Variants in TBC1D31 observed in about 807,000 individuals in gnomAD.
TBC1D31 encodes the protein TBC1 domain family member 31.
Under a neutral mutation model 132.9 loss-of-function variants are expected in TBC1D31, and 99 were observed. That is an observed-to-expected ratio of 0.74 (90% CI 0.63 to 0.88). The LOEUF is 0.88. Ranked by LOEUF, TBC1D31 falls within the 40% of genes least tolerant of loss-of-function variation. TBC1D31 has a pLI of 0.00. For synonymous variants in TBC1D31, 385 were observed against 419.4 expected, an observed-to-expected ratio of 0.92 and a Z score of 1.00; for missense variants, 1,134 against 1,256.6, an observed-to-expected ratio of 0.90 and a Z score of 1.48.
At chr8:123,142,002 A>T (rs1186420597) in intron 18 of TBC1D31, among the ~76,000 whole-genome samples, 1 of 151,896 alleles carries the variant, frequency 6.6e-6, no homozygotes, top group Non-Finnish European at 1.5e-5. Context: ...CTGTGACTAC[A>T]GGCGCGCGCT....
intron 1 of TBC1D31, among the ~76,000 whole-genome samples, chr8:123,075,586 C>A (rs1279039603): frequency 6.6e-6 from 1 of 151,944 alleles, no homozygotes; most frequent in Non-Finnish European, 1.5e-5. Context: ...ACCTGTAATC[C>A]CAGCTACTCA....
At chr8:123,096,753 T>C (rs1816877951) in intron 5 of TBC1D31, among the ~76,000 whole-genome samples, 2 of 152,258 alleles carry the variant, frequency 1.3e-5, no homozygotes, top group Non-Finnish European at 2.9e-5. Flanking sequence ...CAAGTTCTTG[T>C]TGAATGAGTG....
chr8:123,082,634 A>T (rs1815286703), intron 2 of TBC1D31, 68 bp from the exon 3 acceptor site: 1 of 1,140,532 alleles, frequency 8.8e-7, no homozygotes, highest in Admixed American at 2.0e-5. Flanking sequence ...GTCTCTACGG[A>T]CTCCTTCCAC....
chr8:123,108,389 C>A (rs891997280), intron 8 of TBC1D31, among the ~76,000 whole-genome samples: 3 of 152,138 alleles, frequency 2.0e-5, no homozygotes, highest in African/African-American at 7.2e-5. Context: ...ATATAAGGGA[C>A]TATCAGCAGG....
At chr8:123,099,276 C>T (rs1042135183) in intron 6 of TBC1D31, among the ~76,000 whole-genome samples, 2 of 151,994 alleles carry the variant, frequency 1.3e-5, no homozygotes, top group East Asian at 1.9e-4. Flanking sequence ...CCTGCCACCA[C>T]GCCCGGCTAA....
At chr8:123,073,331 A>G in intron 1 of TBC1D31, 1 of 456,574 alleles carries the variant, frequency 2.2e-6, no homozygotes, top group Non-Finnish European at 4.4e-6. Context: ...TTCATCAACT[A>G]TTTGTTGAGC....
rs139956818 is a variant in TBC1D31 at position 123,082,607 on chromosome 8, T to C, written c.225-95T>C. 781 of 831,196 alleles carry C rather than the reference T, an allele frequency of 9.4e-4. 6 individuals carry two copies. In the African/African-American group the frequency reaches 0.012, roughly 13 times the overall value. The allele number at this position is 831,196 out of a possible 1,614,324, so 51.5% of individuals were successfully genotyped here. On this transcript the variant is annotated intron_variant, in intron 2 of 21. Coordinates refer to ENST00000287380, the MANE Select transcript of TBC1D31 (RefSeq NM_145647.4). ...GGCCTAAAATGGTAGCTCATTTTTC[T>C]GGGTTTCATTTTCTTCGTCTCTACG...
intron 5 of TBC1D31, among the ~76,000 whole-genome samples, chr8:123,094,325 G>A (rs1011009766): frequency 6.6e-6 from 1 of 151,896 alleles, no homozygotes; most frequent in Admixed American, 6.6e-5. Context: ...GCCTCCCAGA[G>A]TGCTGGGATT....
chr8:123,076,996 C>T (rs192229244), intron 1 of TBC1D31, 115 bp from the exon 2 acceptor site: 12 of 958,938 alleles, frequency 1.3e-5, no homozygotes, highest in East Asian at 5.4e-5. Flanking sequence ...GGGGGTATAG[C>T]GGTAGCAGTA....
Position 123,134,176 on chromosome 8 carries a change from A to G in TBC1D31, c.2469A>G (p.Glu823=). The change falls in exon 17 of 22, where the codon GAA becomes GAG. Residue 823 remains glutamate, a synonymous_variant. Coordinates refer to ENST00000287380, the MANE Select transcript of TBC1D31 (RefSeq NM_145647.4). ...TARDLEMRQL[E]LESQKRLYEK... Reference sequence around the variant, plus strand: ...GAGACCTAGAAATGAGACAGCTGGAACTCGAATCACAAAAGAGACTTTATG... The same window carrying G: ...GAGACCTAGAAATGAGACAGCTGGAGCTCGAATCACAAAAGAGACTTTATG... 1 of 1,614,008 alleles carries G rather than the reference A, an allele frequency of 6.2e-7. No homozygotes were observed. Among genetic ancestry groups the G allele is most frequent in the Admixed American group, 1.7e-5 (1 of 60,022 alleles).
chr8:123,095,772 A>C (rs1816778563), intron 5 of TBC1D31, among the ~76,000 whole-genome samples: 1 of 152,198 alleles, frequency 6.6e-6, no homozygotes, highest in Non-Finnish European at 1.5e-5. Context: ...CCCTGGAATC[A>C]GCCATTTCTC....
chr8:123,152,180 G>T (rs1163759148), downstream of TBC1D31: 3 of 346,982 alleles, frequency 8.6e-6, no homozygotes, highest in Non-Finnish European at 1.5e-5. Flanking sequence ...AGGTTGCAGG[G>T]ACCAGCATAA....
At chr8:123,094,859 AAATT>A (rs1483769674) in intron 5 of TBC1D31, among the ~76,000 whole-genome samples, 12 of 152,356 alleles carry the variant, frequency 7.9e-5, no homozygotes, top group Non-Finnish European at 1.0e-4. Flanking sequence ...CACTTTTTAA[AAATT>A]AATAAGAATG....
chr8:123,133,529 T>A (rs1820814376), intron 16 of TBC1D31, among the ~76,000 whole-genome samples: 1 of 152,256 alleles, frequency 6.6e-6, no homozygotes, highest in African/African-American at 2.4e-5. Context: ...TCACTTTATA[T>A]CTAAGATCAT....
chr8:123,132,160 T>G (rs146484000), intron 16 of TBC1D31, among the ~76,000 whole-genome samples: 265 of 152,286 alleles, frequency 1.7e-3, no homozygotes, highest in African/African-American at 6.2e-3. Flanking sequence ...ACTGTTTGAA[T>G]GACAGTAGCT....
At chr8:123,159,268 G>GAAAAAAAA in the TBC1D31 span, among the ~76,000 whole-genome samples, 78 of 92,986 alleles carry the variant, frequency 8.4e-4, no homozygotes, top group Middle Eastern at 6.1e-3. Context: ...ATTTGAACAG[G>GAAAAAAAA]AAAAAAAAAA....
chr8:123,114,289 TTTG>T (rs895811227), intron 10 of TBC1D31, among the ~76,000 whole-genome samples: 1 of 151,372 alleles, frequency 6.6e-6, no homozygotes, highest in African/African-American at 2.4e-5. Flanking sequence ...GATACAGTTT[TTTG>T]TTGTTGTTTT....
Position 123,109,595 on chromosome 8 carries a change from A to G in TBC1D31, c.1411A>G (p.Arg471Gly). Residue 471 changes from arginine (R) to glycine (G), a missense_variant, in exon 10 of 22, where the codon AGG becomes GGG. Physicochemically the swap from Arg to Gly is moderately radical, Grantham distance 125. Transcript: ENST00000287380. ...NLQKKYPIKS[R>G]KLLRVLQRTL... ...TCAGAAGAAATACCCCATCAAAAGT[A>G]GGAAGCTACTCAGAGTATTACAGAG... 1 of 1,613,758 alleles carries G rather than the reference A, an allele frequency of 6.2e-7. No homozygotes were observed. The highest frequency in any genetic ancestry group is 8.5e-7 in the Non-Finnish European group (1 of 1,179,894).
rs867194178 is a variant in TBC1D31, at chr8:123,100,930, C to T, written c.955C>T (p.Arg319Trp). 6.2e-6 allele frequency: 10 copies of T among 1,613,720 alleles called. No homozygotes were observed. The highest frequency in any genetic ancestry group is 2.7e-5 in the African/African-American group (2 of 74,866). The change falls in exon 7 of 22, where the codon CGG becomes TGG. Residue 319 changes from arginine to tryptophan, a missense_variant. Transcript: ENST00000287380. ...ISSSAISPHGRYIASIMENGS... is the reference protein window; with the variant it reads ...ISSSAISPHGWYIASIMENGS... ...CTCATCAGCAATTAGCCCACATGGA[C>T]GGTACATTGCATCTATTATGGAAAA...
Sources: allele counts gnomAD v4.1 joint callset (sites outside exome capture counted in the v4.1 genomes callset), GRCh38; gene constraint gnomAD v4.1.1; transcripts MANE v1.5; gene names NCBI Gene and HGNC (gene_info 2026-07-23, HGNC 2026-07-21).